ARHGAP24: variants seen among roughly 807,000 people sequenced by gnomAD.
The protein encoded by ARHGAP24 is rho GTPase-activating protein 24.
A neutral mutation model predicts 76.4 loss-of-function variants in ARHGAP24; 50 were observed. The observed-to-expected ratio is 0.65, with a 90% CI of 0.52 to 0.83. ARHGAP24 has a LOEUF of 0.83. ARHGAP24 is among the 40% of genes least tolerant of loss of function. The probability of loss-of-function intolerance (pLI) is 0.00; values close to 1 mark genes in which losing one functional copy is unlikely to be tolerated. For synonymous variants in ARHGAP24, 345 were observed against 323.3 expected (o/e 1.07, Z -0.72); for missense variants, 930 against 914.2 (o/e 1.02, Z -0.22).
At chr4:85,734,218 A>C (rs1725520303) in intron 3 of ARHGAP24, among the ~76,000 whole-genome samples, 1 of 152,212 alleles carries the variant, frequency 6.6e-6, no homozygotes, top group African/African-American at 2.4e-5. Context: ...TTGTATATCT[A>C]GCTATTTTTC....
At chr4:85,839,851 T>C (rs867241688) in intron 3 of ARHGAP24, among the ~76,000 whole-genome samples, 46,139 of 125,480 alleles carry the variant, frequency 0.37, 7,179 homozygotes, top group South Asian at 0.48. Flanking sequence ...TTCTTTTTTT[T>C]TTTTTTTTTT....
Position 85,835,631 on chromosome 4 carries a change from C to T in ARHGAP24, c.269-88017C>T, listed in dbSNP as rs372791791. ...AAAAGGAAAGCAATTTGTACGGCTG[C>T]TAATGAGGTGGAAAGGATGTGAAGC... is the stretch of plus-strand genomic sequence containing the variant. On this transcript the variant is annotated intron_variant, in intron 3 of 9. Transcript: ENST00000395184. Among the ~76,000 whole-genome samples, 4 of 151,546 alleles carry T rather than the reference C, an allele frequency of 2.6e-5. No homozygotes were observed. The East Asian group carries it at 5.8e-4, about 22-fold the overall frequency.
At chr4:85,749,355 C>T (rs1358344084) in intron 3 of ARHGAP24, among the ~76,000 whole-genome samples, 2 of 152,208 alleles carry the variant, frequency 1.3e-5, no homozygotes, top group East Asian at 3.8e-4. Context: ...AAGAGTCTCA[C>T]TCCATTGCGA....
intron 3 of ARHGAP24, among the ~76,000 whole-genome samples, chr4:85,764,711 T>C (rs2110075219): frequency 6.6e-6 from 1 of 152,210 alleles, no homozygotes; most frequent in Non-Finnish European, 1.5e-5. Context: ...ACAAAAGCTA[T>C]TTGGGTGAGG....
At chr4:85,599,914 C>T (rs575450457) in intron 2 of ARHGAP24, among the ~76,000 whole-genome samples, 1 of 152,156 alleles carries the variant, frequency 6.6e-6, no homozygotes, top group Admixed American at 6.5e-5. Context: ...TGCTAAATAA[C>T]TTGTTTCATG....
At chr4:85,675,439 A>G (rs938212251) in intron 2 of ARHGAP24, among the ~76,000 whole-genome samples, 1 of 152,192 alleles carries the variant, frequency 6.6e-6, no homozygotes, top group Non-Finnish European at 1.5e-5. Context: ...AAATAAATCT[A>G]ACAGAAGGGC....
intron 8 of ARHGAP24, chr4:85,991,199 C>G (rs183442577): frequency 1.3e-5 from 2 of 152,212 alleles, no homozygotes; most frequent in Admixed American, 6.5e-5. Context: ...TGAGATGTCT[C>G]TACACATTTC....
chr4:85,738,362 G>C (rs78692827), intron 3 of ARHGAP24, among the ~76,000 whole-genome samples: 11,182 of 142,964 alleles, frequency 0.078, 494 homozygotes, highest in Middle Eastern at 0.11. Context: ...GTTTTCATTT[G>C]GGCTTTTATT....
intron 9 of ARHGAP24, among the ~76,000 whole-genome samples, chr4:85,996,022 TGTTA>T (rs1740638314): frequency 6.6e-6 from 1 of 152,222 alleles, no homozygotes; most frequent in African/African-American, 2.4e-5. Flanking sequence ...ATTAGGAGCC[TGTTA>T]GTTTTCACTA....
intron 2 of ARHGAP24, among the ~76,000 whole-genome samples, chr4:85,661,409 T>G (rs1333816136): frequency 6.6e-6 from 1 of 152,190 alleles, no homozygotes; most frequent in Non-Finnish European, 1.5e-5. Context: ...TATTGTCAAG[T>G]CTTCATATGG....
chr4:85,978,676 AAATACGTGC>A (rs2148857450), intron 8 of ARHGAP24, among the ~76,000 whole-genome samples: 1 of 152,222 alleles, frequency 6.6e-6, no homozygotes, highest in African/African-American at 2.4e-5. Context: ...TTATAAATTA[AAATACGTGC>A]AATACAGAAC....
intron 3 of ARHGAP24, among the ~76,000 whole-genome samples, chr4:85,797,389 G>A (rs1177744406): frequency 1.3e-5 from 2 of 152,104 alleles, no homozygotes; most frequent in Non-Finnish European, 2.9e-5. Flanking sequence ...TAGCCAGGAT[G>A]GTCTCAATCT....
intron 1 of ARHGAP24, among the ~76,000 whole-genome samples, chr4:85,504,184 G>T (rs1251104950): frequency 6.6e-6 from 1 of 152,218 alleles, no homozygotes; most frequent in Non-Finnish European, 1.5e-5. Flanking sequence ...TGAGAAGAAT[G>T]TATATTCTGT....
chr4:85,987,364 T>C (rs963846455), intron 8 of ARHGAP24, among the ~76,000 whole-genome samples: 1 of 152,002 alleles, frequency 6.6e-6, no homozygotes, highest in Non-Finnish European at 1.5e-5. Context: ...ACATCTAGAA[T>C]ATATATTTTT....
At chr4:85,802,275 T>C (rs1728609859) in intron 3 of ARHGAP24, among the ~76,000 whole-genome samples, 1 of 152,208 alleles carries the variant, frequency 6.6e-6, no homozygotes, top group African/African-American at 2.4e-5. Context: ...AATATTTATA[T>C]GACCCACCTA....
intron 3 of ARHGAP24, among the ~76,000 whole-genome samples, chr4:85,876,066 G>A (rs996539864): frequency 6.6e-6 from 1 of 151,926 alleles, no homozygotes; most frequent in East Asian, 1.9e-4. Flanking sequence ...TTAATACATG[G>A]CATTATTTTT....
At chr4:85,778,838 C>T (rs1381988126) in intron 3 of ARHGAP24, 2 of 985,404 alleles carry the variant, frequency 2.0e-6, no homozygotes, top group South Asian at 4.7e-5. Context: ...TGTGTCCAAA[C>T]AGCATTTTCC....
intron 3 of ARHGAP24, among the ~76,000 whole-genome samples, chr4:85,894,988 A>C (rs372164773): frequency 5.8e-5 from 1 of 17,208 alleles, no homozygotes; most frequent in Non-Finnish European, 1.1e-4. Flanking sequence ...AAAAAAAAAA[A>C]CAAAACAAAA....
At chr4:85,506,852 G>C (rs1413486492) in intron 1 of ARHGAP24, among the ~76,000 whole-genome samples, 6 of 151,974 alleles carry the variant, frequency 3.9e-5, no homozygotes, top group African/African-American at 1.4e-4. Context: ...CTGCAGACTG[G>C]AGCTGTTCCT....
Sources: allele counts gnomAD v4.1 joint callset (sites outside exome capture counted in the v4.1 genomes callset), GRCh38; gene constraint gnomAD v4.1.1; transcripts MANE v1.5; gene names NCBI Gene and HGNC (gene_info 2026-07-23, HGNC 2026-07-21).